MCOLN2: variants seen among roughly 807,000 people sequenced by gnomAD.
MCOLN2 encodes the protein mucolipin-2.
MCOLN2 carries 57 observed loss-of-function variants against 67.5 expected under a neutral mutation model. That is an observed-to-expected ratio of 0.84 (90% CI 0.68 to 1.05). MCOLN2 has a LOEUF of 1.05. MCOLN2 is among the 50% of genes least tolerant of loss of function. The pLI, the probability that MCOLN2 is intolerant of heterozygous loss-of-function variation, is 0.00. For synonymous variants in MCOLN2, 246 were observed against 233.3 expected (o/e 1.05, Z -0.50); for missense variants, 620 against 678.8 (o/e 0.91, Z 0.96).
In MCOLN2 at chr1:84,956,599, T is replaced by C; in HGVS notation, c.412-15A>G. Reference sequence around the variant, plus strand: ...AGCTGATGATACTATTAAAAAATAGTCAAGTAAAAACCACATATGACCTTT... The same window carrying C: ...AGCTGATGATACTATTAAAAAATAGCCAAGTAAAAACCACATATGACCTTT... On this transcript the variant is annotated splice_polypyrimidine_tract_variant and intron_variant, in intron 3 of 13. Transcript: ENST00000370608. The C allele has an allele frequency of 6.4e-7, 1 of 1,568,378 alleles. No individual in the cohort carries two copies. The highest frequency in any genetic ancestry group is 8.6e-7 in the Non-Finnish European group (1 of 1,164,688).
At chr1:84,987,437 T>C (rs1183351099) in intron 1 of MCOLN2, among the ~76,000 whole-genome samples, 1 of 117,414 alleles carries the variant, frequency 8.5e-6, no homozygotes, top group African/African-American at 3.9e-5. Context: ...TATACGTATA[T>C]AGATATATAC....
At chr1:84,965,185 A>G (rs1649312293) in intron 2 of MCOLN2, among the ~76,000 whole-genome samples, 1 of 152,248 alleles carries the variant, frequency 6.6e-6, no homozygotes, top group Admixed American at 6.5e-5. Context: ...AGGAAAACTT[A>G]GGATTCTATA....
intron 6 of MCOLN2, among the ~76,000 whole-genome samples, chr1:84,951,253 G>T (rs1294731864): frequency 6.6e-6 from 1 of 152,192 alleles, no homozygotes; most frequent in African/African-American, 2.4e-5. Flanking sequence ...GCATAGTATG[G>T]ACTCATTAAG....
intron 6 of MCOLN2, among the ~76,000 whole-genome samples, chr1:84,948,742 A>C (rs1217504196): frequency 6.6e-6 from 1 of 152,284 alleles, no homozygotes; most frequent in African/African-American, 2.4e-5. Context: ...AGCATAAAAA[A>C]GAACCAAACA....
At chr1:84,959,997 C>T (rs372800945) in intron 2 of MCOLN2, among the ~76,000 whole-genome samples, 65 of 152,268 alleles carry the variant, frequency 4.3e-4, no homozygotes, top group African/African-American at 1.4e-3. Flanking sequence ...CCCAGGAGTT[C>T]AAGGCTAGCC....
In MCOLN2 at chr1:84,937,716, C is replaced by G. The variant is rs750008962; in HGVS notation, c.1335+39G>C. On this transcript the variant is annotated intron_variant, in intron 11 of 13. Coordinates refer to ENST00000370608, the MANE Select transcript of MCOLN2 (RefSeq NM_153259.4). ...TAGAAACCCACGTTCAAGGGTCCCACGTGCCCCATCTGCAGAAGGAAGAAT... is the reference window on the plus strand; with the variant it reads ...TAGAAACCCACGTTCAAGGGTCCCAGGTGCCCCATCTGCAGAAGGAAGAAT... 1.9e-6 allele frequency: 3 copies of G among 1,611,400 alleles called. No individual in the cohort carries two copies. In the African/African-American group the frequency reaches 4.0e-5, roughly 22 times the overall value.
At chr1:84,984,069 T>A (rs1352599001) in intron 1 of MCOLN2, among the ~76,000 whole-genome samples, 1 of 152,246 alleles carries the variant, frequency 6.6e-6, no homozygotes, top group Non-Finnish European at 1.5e-5. Flanking sequence ...GATTTAGCTC[T>A]TATATCTGCT....
intron 1 of MCOLN2, among the ~76,000 whole-genome samples, chr1:84,993,277 G>C (rs1415947594): frequency 3.3e-5 from 5 of 152,032 alleles, no homozygotes; most frequent in Non-Finnish European, 5.9e-5. Context: ...TAGTTTTCTG[G>C]GTATTTCCAC....
chr1:84,935,808 T>C (rs1158464825), intron 11 of MCOLN2, among the ~76,000 whole-genome samples: 3 of 152,222 alleles, frequency 2.0e-5, no homozygotes, highest in East Asian at 1.9e-4. Context: ...ATTGAACATA[T>C]GGAAATGCAG....
chr1:84,997,089 G>C lies in MCOLN2; in HGVS notation c.-217C>G, dbSNP rs114037164. The C allele has an allele frequency of 0.053, 30,389 of 576,156 alleles. 1,093 individuals carry two copies. The highest frequency in any genetic ancestry group is 0.071 in the Non-Finnish European group (23,142 of 326,054). 35.7% of individuals were successfully genotyped at this position (576,156 alleles called of 1,614,324 possible). A position where few individuals can be genotyped will look rare whatever the true frequency, so the allele number is the denominator to read the frequency against. ...TCGTGGAGTGCGGCGGGCAGTTCTC[G>C]GGCGGCTGAAAGGCGGCTCTGTGTG... On this transcript the variant is annotated 5_prime_UTR_variant, in exon 1 of 14. Coordinates refer to ENST00000370608, the MANE Select transcript of MCOLN2 (RefSeq NM_153259.4).
At chr1:84,937,418 A>G (rs1647489500) in intron 11 of MCOLN2, 2 of 217,756 alleles carry the variant, frequency 9.2e-6, no homozygotes, top group Non-Finnish European at 1.7e-5. Context: ...ATTTTTTATA[A>G]TAATTTTCCT....
intron 7 of MCOLN2, among the ~76,000 whole-genome samples, chr1:84,941,501 C>T (rs2102817471): frequency 6.6e-6 from 1 of 151,808 alleles, no homozygotes; most frequent in South Asian, 2.1e-4. Context: ...TGTCTCAAAA[C>T]AAAAAACAAA....
At chr1:84,959,345 T>C (rs1648959222) in intron 2 of MCOLN2, among the ~76,000 whole-genome samples, 2 of 152,188 alleles carry the variant, frequency 1.3e-5, no homozygotes, top group African/African-American at 4.8e-5. Flanking sequence ...CCATTCATTG[T>C]CACCAAGCAT....
rs80031206 is a variant in MCOLN2 at position 84,943,681 on chromosome 1, G to A, written c.848-2690C>T. On this transcript the variant is annotated intron_variant, in intron 7 of 13. Transcript: ENST00000370608. ...CTACAATGGGTGGCGAGCAGAGACA[G>A]CCAGCTGGTAAATGCAACTCTCTGA... is the stretch of plus-strand genomic sequence containing the variant. 4.4e-3 allele frequency among the ~76,000 whole-genome samples: 677 copies of A among 152,304 alleles called. 4 individuals are homozygous for A. Among genetic ancestry groups the A allele is most frequent in the African/African-American group, 0.016 (647 of 41,558 alleles).
intron 4 of MCOLN2, among the ~76,000 whole-genome samples, chr1:84,954,575 A>T (rs1478278315): frequency 1.3e-5 from 2 of 152,236 alleles, no homozygotes; most frequent in Non-Finnish European, 2.9e-5. Context: ...AGAGAGGCCA[A>T]GAAACTTCCT....
At chr1:84,936,234 A>G (rs1350749567) in intron 11 of MCOLN2, among the ~76,000 whole-genome samples, 1 of 152,230 alleles carries the variant, frequency 6.6e-6, no homozygotes, top group Non-Finnish European at 1.5e-5. Flanking sequence ...AATGGTAGCC[A>G]TCTAGTAAAA....
chr1:84,939,707 G>T lies in MCOLN2; in HGVS notation c.961-5C>A. On this transcript the variant is annotated splice_polypyrimidine_tract_variant and splice_region_variant and intron_variant, in intron 8 of 13. Coordinates refer to ENST00000370608, the MANE Select transcript of MCOLN2 (RefSeq NM_153259.4). ...CAGGAAGAAATTTAGAAATCTCTAT[G>T]GCAAACATTTAAAGAAGCGTTTCTT... 2 of 1,613,750 alleles carry T rather than the reference G, an allele frequency of 1.2e-6. No homozygotes were observed. The highest frequency in any genetic ancestry group is 2.2e-5 in the South Asian group (2 of 91,026).
chr1:84,953,223 TA>T, intron 4 of MCOLN2, among the ~76,000 whole-genome samples: 1 of 152,210 alleles, frequency 6.6e-6, no homozygotes, highest in East Asian at 1.9e-4. Flanking sequence ...GAGAAATATT[TA>T]TGCATAGAAA....
intron 6 of MCOLN2, among the ~76,000 whole-genome samples, chr1:84,948,528 T>G (rs975283085): frequency 1.5e-4 from 23 of 151,966 alleles, no homozygotes; most frequent in Non-Finnish European, 2.9e-5. Context: ...ACAAGAAACA[T>G]GAAAAGGCAA....
Sources: gnomAD v4.1 joint callset for allele counts (sites outside exome capture counted in the v4.1 genomes callset) on GRCh38, gnomAD v4.1.1 for gene constraint, MANE v1.5 for transcripts, NCBI Gene and HGNC (gene_info 2026-07-23, HGNC 2026-07-21) for gene names.